The following VPS54 variants were observed in gnomAD, a reference collection of about 807,000 sequenced individuals.
VPS54 encodes the protein VPS54 subunit of GARP complex, also known as vacuolar protein sorting-associated protein 54.
In VPS54, 45 loss-of-function variants were observed where a neutral mutation model predicts 121.5. That is an observed-to-expected ratio of 0.37 (90% CI 0.29 to 0.47). The LOEUF (loss-of-function observed/expected upper bound fraction) is 0.47, where lower values mean the gene tolerates loss of function less well. Ranked by LOEUF, VPS54 falls within the 20% of genes least tolerant of loss-of-function variation. VPS54 has a pLI of 0.99. For synonymous variants in VPS54, 371 were observed against 385.8 expected (o/e 0.96, Z 0.45); for missense variants, 1,090 against 1,131.4 (o/e 0.96, Z 0.52).
intron 11 of VPS54, among the ~76,000 whole-genome samples, chr2:63,939,707 T>TA (rs965506907): frequency 1.3e-5 from 2 of 151,056 alleles, no homozygotes; most frequent in Non-Finnish European, 2.9e-5. Context: ...ATAAAAGGGT[T>TA]AAAAAAAATT....
chr2:63,980,617 T>G (rs1430459597), intron 3 of VPS54, among the ~76,000 whole-genome samples: 5 of 152,174 alleles, frequency 3.3e-5, no homozygotes, highest in Non-Finnish European at 7.4e-5. Context: ...GGGTTTATTG[T>G]TAAACCCCTT....
At chr2:63,909,725 G>GTTTTTGTTTTTTTTTTTTTTTTT in intron 20 of VPS54, among the ~76,000 whole-genome samples, 1 of 115,282 alleles carries the variant, frequency 8.7e-6, no homozygotes, top group Admixed American at 8.9e-5. Context: ...GCCGTTTTTG[G>GTTTTTGTTTTTTTTTTTTTTTTT]TTTTTTTTTT....
At chr2:63,943,617 C>T (rs1205698724) in intron 10 of VPS54, among the ~76,000 whole-genome samples, 1 of 152,048 alleles carries the variant, frequency 6.6e-6, no homozygotes, top group African/African-American at 2.4e-5. Context: ...TCTAAGCCAG[C>T]TAAAAACATT....
chr2:63,969,059 T>C (rs773624242), intron 4 of VPS54, 68 bp from the exon 5 acceptor site: 8 of 1,324,340 alleles, frequency 6.0e-6, no homozygotes, highest in Non-Finnish European at 7.5e-6. Context: ...AAAATACATT[T>C]TGACAGATTC....
intron 3 of VPS54, among the ~76,000 whole-genome samples, chr2:63,973,533 A>C (rs1461355570): frequency 6.6e-6 from 1 of 151,580 alleles, no homozygotes; most frequent in African/African-American, 2.4e-5. Context: ...TTGAGTTTTA[A>C]CTCCTTTGTT....
intron 7 of VPS54, among the ~76,000 whole-genome samples, chr2:63,958,506 A>C (rs1227661356): frequency 6.6e-6 from 1 of 152,178 alleles, no homozygotes; most frequent in Non-Finnish European, 1.5e-5. Context: ...TCCCTTTAAA[A>C]GCAATAGAAC....
At chr2:63,985,680 TAC>T (rs3079061) in intron 1 of VPS54, among the ~76,000 whole-genome samples, 9,016 of 144,796 alleles carry the variant, frequency 0.062, 303 homozygotes, top group African/African-American at 0.098. Context: ...TGACAAATTA[TAC>T]ACACACACAC....
At chr2:63,986,153 A>G (rs1677040836) in intron 1 of VPS54, among the ~76,000 whole-genome samples, 1 of 152,200 alleles carries the variant, frequency 6.6e-6, no homozygotes, top group Non-Finnish European at 1.5e-5. Context: ...TTATTTTAAA[A>G]TGTACAATAA....
chr2:63,908,807 C>A lies in VPS54; in HGVS notation c.2625+3538G>T, dbSNP rs1673013886. Among the ~76,000 whole-genome samples, 2 of 152,164 alleles carry A rather than the reference C, an allele frequency of 1.3e-5. 1 individual carries two copies. The highest frequency in any genetic ancestry group is 2.9e-5 in the Non-Finnish European group (2 of 68,032). ...CATTAATACAACTGTATGAAGTAGGCTCCACTATTATCCTCTTTAGAGGCA... is the reference window on the plus strand; with the variant it reads ...CATTAATACAACTGTATGAAGTAGGATCCACTATTATCCTCTTTAGAGGCA... On this transcript the variant is annotated intron_variant, in intron 20 of 22. Coordinates refer to ENST00000272322, the MANE Select transcript of VPS54 (RefSeq NM_016516.3).
At chr2:64,000,334 C>G (rs1187956743) in intron 1 of VPS54, among the ~76,000 whole-genome samples, 1 of 152,214 alleles carries the variant, frequency 6.6e-6, no homozygotes, top group Non-Finnish European at 1.5e-5. Context: ...CTCAACACAG[C>G]TGTTTTGATT....
intron 9 of VPS54, among the ~76,000 whole-genome samples, chr2:63,945,815 C>A (rs1227409557): frequency 2.0e-5 from 3 of 152,076 alleles, no homozygotes; most frequent in Non-Finnish European, 4.4e-5. Context: ...GTTACATTTC[C>A]TTGTGATACA....
chr2:63,922,729 G>A lies in VPS54; in HGVS notation c.1740-1394C>T, dbSNP rs528747161. ...ACATTTCTATATAAACAGTCTAGTA[G>A]TATTTCAAAACAGGATACCTGCAAA... On this transcript the variant is annotated intron_variant, in intron 12 of 22. Coordinates refer to ENST00000272322, the MANE Select transcript of VPS54 (RefSeq NM_016516.3). Among the ~76,000 whole-genome samples, 15 of 152,248 alleles carry A rather than the reference G, an allele frequency of 9.9e-5. 1 individual carries two copies. In the South Asian group the frequency reaches 3.1e-3, roughly 32 times the overall value.
chr2:63,932,856 G>T (rs1435291671), intron 12 of VPS54, among the ~76,000 whole-genome samples: 1 of 152,080 alleles, frequency 6.6e-6, no homozygotes, highest in African/African-American at 2.4e-5. Flanking sequence ...GGATCAGACA[G>T]TAATATTAAT....
intron 12 of VPS54, among the ~76,000 whole-genome samples, chr2:63,925,881 G>C (rs190937161): frequency 2.2e-4 from 34 of 152,158 alleles, no homozygotes; most frequent in Non-Finnish European, 4.3e-4. Flanking sequence ...TAGTTCTTGA[G>C]GGGGGTGACA....
intron 20 of VPS54, among the ~76,000 whole-genome samples, chr2:63,909,861 A>G (rs930977388): frequency 1.3e-5 from 2 of 149,736 alleles, no homozygotes; most frequent in Admixed American, 1.3e-4. Flanking sequence ...AGTAGCTGGG[A>G]TTACAGGTGC....
At position 63,936,525 on chromosome 2, in the gene VPS54, T is replaced by C. The variant is rs367872702; in HGVS notation, c.1399-2512A>G. On this transcript the variant is annotated intron_variant, in intron 11 of 22. Coordinates refer to ENST00000272322, the MANE Select transcript of VPS54 (RefSeq NM_016516.3). ...CCATATTGATAACCATAATGACAACTGATATTGTCATTCTGAAATGACAGA... is the reference window on the plus strand; with the variant it reads ...CCATATTGATAACCATAATGACAACCGATATTGTCATTCTGAAATGACAGA... Among the ~76,000 whole-genome samples, 18 of 152,236 alleles carry C rather than the reference T, an allele frequency of 1.2e-4. No homozygotes were observed. The East Asian group carries it at 3.3e-3, about 28-fold the overall frequency.
intron 16 of VPS54, 80 bp from the exon 17 acceptor site, chr2:63,914,367 C>T: frequency 2.2e-6 from 2 of 895,266 alleles, no homozygotes; most frequent in African/African-American, 1.7e-5. Context: ...AATCAAATTA[C>T]TTAATGGCAC....
chr2:63,937,236 T>C (rs1237630344), intron 11 of VPS54, among the ~76,000 whole-genome samples: 2 of 152,104 alleles, frequency 1.3e-5, no homozygotes, highest in Non-Finnish European at 2.9e-5. Flanking sequence ...AGAAAATATT[T>C]GTAAATCACG....
At chr2:63,901,693 G>C (rs1672685363) in intron 20 of VPS54, among the ~76,000 whole-genome samples, 1 of 152,144 alleles carries the variant, frequency 6.6e-6, no homozygotes, top group Non-Finnish European at 1.5e-5. Context: ...TCACCACTGG[G>C]GTCACGGTGT....
Sources: allele counts gnomAD v4.1 joint callset (sites outside exome capture counted in the v4.1 genomes callset), GRCh38; gene constraint gnomAD v4.1.1; transcripts MANE v1.5; gene names NCBI Gene and HGNC (gene_info 2026-07-23, HGNC 2026-07-21).